ARHGAP12: variants seen among roughly 807,000 people sequenced by gnomAD.
The protein encoded by ARHGAP12 is rho GTPase-activating protein 12.
Under a neutral mutation model 108.6 loss-of-function variants are expected in ARHGAP12, and 64 were observed. The ratio of observed to expected loss-of-function variants is 0.59; its 90% CI spans 0.48 to 0.73. The LOEUF (loss-of-function observed/expected upper bound fraction) is 0.73, where lower values mean the gene tolerates loss of function less well. Ranked by LOEUF, ARHGAP12 falls within the 30% of genes least tolerant of loss-of-function variation. The pLI is 0.00. For synonymous variants in ARHGAP12, 312 were observed against 337.2 expected (o/e 0.93, Z 0.82); for missense variants, 940 against 1,005.9 (o/e 0.93, Z 0.89).
intron 3 of ARHGAP12, among the ~76,000 whole-genome samples, chr10:31,863,219 C>A (rs1256558038): frequency 6.6e-6 from 1 of 152,150 alleles, no homozygotes; most frequent in Admixed American, 6.5e-5. Context: ...GAAAATCTAT[C>A]CATGGAGACA....
At chr10:31,922,773 T>G (rs539082501) in intron 1 of ARHGAP12, among the ~76,000 whole-genome samples, 22 of 152,072 alleles carry the variant, frequency 1.4e-4, no homozygotes, top group Admixed American at 2.6e-4. Flanking sequence ...CAAAAAAAAG[T>G]TGAAGCAGAG....
At chr10:31,910,100 G>A (rs1839285921) in intron 2 of ARHGAP12, among the ~76,000 whole-genome samples, 1 of 152,064 alleles carries the variant, frequency 6.6e-6, no homozygotes, top group Non-Finnish European at 1.5e-5. Context: ...GCACGGCCCT[G>A]CCAAAACTGA....
chr10:31,830,194 C>G (rs184517010), intron 10 of ARHGAP12, among the ~76,000 whole-genome samples: 1 of 151,994 alleles, frequency 6.6e-6, no homozygotes, highest in East Asian at 1.9e-4. Flanking sequence ...GAGAGTAGAC[C>G]AAGGCTCTTT....
chr10:31,812,612 TCTTA>T (rs1835062088), intron 15 of ARHGAP12, 91 bp downstream of exon 15: 2 of 770,408 alleles, frequency 2.6e-6, no homozygotes, highest in Non-Finnish European at 4.2e-6. Flanking sequence ...AGAATAATAT[TCTTA>T]CTGTTTGAAA....
chr10:31,924,195 C>A (rs577865831), intron 1 of ARHGAP12, among the ~76,000 whole-genome samples: 1 of 152,320 alleles, frequency 6.6e-6, no homozygotes, highest in South Asian at 2.1e-4. Flanking sequence ...AGCAATCCCT[C>A]TTCTAGGTAT....
chr10:31,915,014 G>A (rs1299191915), intron 1 of ARHGAP12, among the ~76,000 whole-genome samples: 3 of 152,190 alleles, frequency 2.0e-5, no homozygotes, highest in East Asian at 3.8e-4. Context: ...TGGACGTTAC[G>A]TTGAATGAAA....
intron 1 of ARHGAP12, among the ~76,000 whole-genome samples, chr10:31,917,311 G>C (rs1440992282): frequency 6.6e-6 from 1 of 152,044 alleles, no homozygotes; most frequent in Admixed American, 6.6e-5. Flanking sequence ...GGGAGACTGA[G>C]GCAGGAGAAT....
At chr10:31,880,283 T>TA (rs1313082732) in intron 3 of ARHGAP12, among the ~76,000 whole-genome samples, 1 of 152,180 alleles carries the variant, frequency 6.6e-6, no homozygotes, top group Non-Finnish European at 1.5e-5. Context: ...ATGGTGCTCT[T>TA]AAAGTCCCTA....
chr10:31,882,837 A>C (rs1173290312), intron 3 of ARHGAP12, among the ~76,000 whole-genome samples: 5 of 136,820 alleles, frequency 3.7e-5, no homozygotes, highest in East Asian at 2.2e-4. Flanking sequence ...AAAAAAAAAA[A>C]CAGAAACTAG....
chr10:31,880,887 T>C (rs1303104094), intron 3 of ARHGAP12, among the ~76,000 whole-genome samples: 3 of 148,354 alleles, frequency 2.0e-5, no homozygotes, highest in South Asian at 2.2e-4. Context: ...TGGCAAAGCT[T>C]TGACTCTACC....
rs1836919562 is a variant in ARHGAP12 at position 31,857,178 on chromosome 10, G to C, written c.949-2972C>G. Among the ~76,000 whole-genome samples, 3 of 152,104 alleles carry C rather than the reference G, an allele frequency of 2.0e-5. No homozygotes were observed. In the South Asian group the frequency reaches 6.2e-4, roughly 32 times the overall value. ...AGGTGAAGGGAGAGAAAGAAATAAA[G>C]CAAACGTGGCAAAATTTTAACCATT... On this transcript the variant is annotated intron_variant, in intron 4 of 19. Coordinates refer to ENST00000344936, the MANE Select transcript of ARHGAP12 (RefSeq NM_018287.7).
rs193098164 is a variant in ARHGAP12, at chr10:31,845,114, A to G, written c.1171-1528T>C. On this transcript the variant is annotated intron_variant, in intron 6 of 19. Transcript: ENST00000344936. ...TTTAATAAACATGTTCTTAGTTACA[A>G]CTCTTGTTGCTACTGCTGCTAATGT... 1.2e-4 allele frequency among the ~76,000 whole-genome samples: 19 copies of G among 152,026 alleles called. No individual in the cohort carries two copies. The East Asian group carries it at 3.5e-3, about 28-fold the overall frequency.
At chr10:31,897,796 T>C (rs1430226846) in intron 3 of ARHGAP12, among the ~76,000 whole-genome samples, 1 of 152,106 alleles carries the variant, frequency 6.6e-6, no homozygotes, top group East Asian at 1.9e-4. Context: ...AACTCAGCTG[T>C]GGCACAGATG....
rs1837112074 is a variant in ARHGAP12, at chr10:31,861,472, T to C, written c.871A>G (p.Arg291Gly). ...GTCCAACGAGGAGGTTTCCAAGTTC[T>C]TTCCTGTGTCCCTCTGTTATAGTAA... The part of the protein sequence containing the change: ...CYYYNRGTQE[R>G]TWKPPRWTRD... The change falls in exon 4 of 20, where the codon AGA (arginine) becomes GGA (glycine). Residue 291 changes from arginine to glycine, a missense_variant. Transcript: ENST00000344936. 2 of 1,614,108 alleles carry C rather than the reference T, an allele frequency of 1.2e-6. No individual in the cohort carries two copies. The highest frequency in any genetic ancestry group is 2.2e-5 in the South Asian group (2 of 91,088).
chr10:31,887,697 G>A (rs1421240207), intron 3 of ARHGAP12, among the ~76,000 whole-genome samples: 10 of 137,802 alleles, frequency 7.3e-5, no homozygotes, highest in South Asian at 2.3e-4. Context: ...TCGCTTTGTC[G>A]CCCAGGCTGG....
chr10:31,873,587 C>T (rs2132341758), intron 3 of ARHGAP12, among the ~76,000 whole-genome samples: 1 of 152,224 alleles, frequency 6.6e-6, no homozygotes, highest in South Asian at 2.1e-4. Flanking sequence ...GTTGTAAGCC[C>T]CTTAGGAGTT....
At position 31,855,525 on chromosome 10, in the gene ARHGAP12, T is replaced by C. The variant is rs1178771472; in HGVS notation, c.949-1319A>G. Among the ~76,000 whole-genome samples, 8 of 152,326 alleles carry C rather than the reference T, an allele frequency of 5.3e-5. No homozygotes were observed. The East Asian group carries it at 7.7e-4, about 15-fold the overall frequency. Reference sequence around the variant, plus strand: ...TAATATTAATATGTTCACAAAAACATAGCTTTACAGAAACACTGCATAAAG... The same window carrying C: ...TAATATTAATATGTTCACAAAAACACAGCTTTACAGAAACACTGCATAAAG... On this transcript the variant is annotated intron_variant, in intron 4 of 19. Coordinates refer to ENST00000344936, the MANE Select transcript of ARHGAP12 (RefSeq NM_018287.7).
intron 1 of ARHGAP12, among the ~76,000 whole-genome samples, chr10:31,919,927 C>A (rs1839720773): frequency 6.6e-6 from 1 of 151,546 alleles, no homozygotes; most frequent in Non-Finnish European, 1.5e-5. Context: ...AACAGCCTGA[C>A]CAACATGGTG....
chr10:31,821,997 G>A (rs1359892810), intron 11 of ARHGAP12, among the ~76,000 whole-genome samples: 12 of 152,062 alleles, frequency 7.9e-5, no homozygotes, highest in Admixed American at 6.5e-4. Context: ...CTGTAGATGG[G>A]TAGCTCTAAG....
Sources: allele counts gnomAD v4.1 joint callset (sites outside exome capture counted in the v4.1 genomes callset), GRCh38; gene constraint gnomAD v4.1.1; transcripts MANE v1.5; gene names NCBI Gene and HGNC (gene_info 2026-07-23, HGNC 2026-07-21).